CPEB4: variants seen among roughly 807,000 people sequenced by gnomAD.
CPEB4 encodes cytoplasmic polyadenylation element-binding protein 4.
Under a neutral mutation model 72.5 loss-of-function variants are expected in CPEB4, and 12 were observed. That is an observed-to-expected ratio of 0.17 (90% confidence interval 0.11 to 0.27). The LOEUF (loss-of-function observed/expected upper bound fraction) is 0.27, where lower values mean the gene tolerates loss of function less well. CPEB4 is among the 10% of genes least tolerant of loss of function. The pLI, the probability that CPEB4 is intolerant of heterozygous loss-of-function variation, is 1.00. For synonymous variants in CPEB4, 302 were observed against 326.3 expected, an observed-to-expected ratio of 0.93 and a Z score of 0.80; for missense variants, 614 against 908.5, an observed-to-expected ratio of 0.68 and a Z score of 4.17.
intron 3 of CPEB4, among the ~76,000 whole-genome samples, chr5:173,942,492 G>A (rs1466838860): frequency 6.6e-6 from 1 of 152,164 alleles, no homozygotes; most frequent in Non-Finnish European, 1.5e-5. Context: ...GACTTGATTA[G>A]GCATAGGGAA....
intron 3 of CPEB4, among the ~76,000 whole-genome samples, chr5:173,938,668 G>T (rs1757717504): frequency 6.6e-6 from 1 of 152,212 alleles, no homozygotes; most frequent in South Asian, 2.1e-4. Context: ...AGCGTAACCC[G>T]AATAGGATCC....
At position 173,910,622 on chromosome 5, in the gene CPEB4, C is replaced by A. The variant is rs781406258; in HGVS notation, c.1207+18C>A. 2 of 1,446,532 alleles carry A rather than the reference C, an allele frequency of 1.4e-6. No individual in the cohort carries two copies. Among genetic ancestry groups the A allele is most frequent in the Non-Finnish European group, 1.9e-6 (2 of 1,028,384 alleles). 89.6% of individuals were successfully genotyped at this position (1,446,532 alleles called of 1,614,324 possible). ...CATTAAAGGTAAGTTTAGAAATATA[C>A]CCAATTGATTTCAGACAATAGTTTT... On this transcript the variant is annotated intron_variant, in intron 2 of 9. Coordinates refer to ENST00000265085, the MANE Select transcript of CPEB4 (RefSeq NM_030627.4).
At chr5:173,935,295 T>C (rs1286814052) in intron 3 of CPEB4, among the ~76,000 whole-genome samples, 2 of 152,218 alleles carry the variant, frequency 1.3e-5, no homozygotes, top group African/African-American at 2.4e-5. Context: ...GTAGATAATC[T>C]AAAACTATGC....
chr5:173,956,230 C>T lies in CPEB4; in HGVS notation c.*93C>T, dbSNP rs1758373290. On this transcript the variant is annotated 3_prime_UTR_variant, in exon 10 of 10. Coordinates refer to ENST00000265085, the MANE Select transcript of CPEB4 (RefSeq NM_030627.4). ...CCTCAACCTCTTCACGCTGGCATGT[C>T]CTTTTGTAGCAGTCTGTAACTTAAC... 2.2e-6 allele frequency: 2 copies of T among 910,682 alleles called. No individual in the cohort carries two copies. The highest frequency in any genetic ancestry group is 3.5e-6 in the Non-Finnish European group (2 of 567,910). The allele number at this position is 910,682 out of a possible 1,614,324, so 56.4% of individuals were successfully genotyped here.
intron 5 of CPEB4, among the ~76,000 whole-genome samples, chr5:173,947,393 T>C (rs1758057645): frequency 6.6e-6 from 1 of 151,944 alleles, no homozygotes; most frequent in Admixed American, 6.6e-5. Context: ...TGTGTATGAA[T>C]GTATGTAGAG....
Position 173,890,570 on chromosome 5 carries a change from C to T in CPEB4, c.837C>T (p.Asn279=). The change falls in exon 1 of 10, where the codon AAC becomes AAT. Residue 279 remains asparagine (N), a synonymous_variant. Transcript: ENST00000265085. The stretch of plus-strand genomic sequence containing the variant: ...TGCCTCATTTGGCGAATAATCTTAA[C>T]AAACCCCCCTCTCCGTGGAGCAGCT... ...NQLPHLANNL[N]KPPSPWSSYQ... is the part of the protein sequence containing the mutation. The T allele has an allele frequency of 6.2e-7, 1 of 1,614,110 alleles. No individual in the cohort carries two copies. The highest frequency in any genetic ancestry group is 8.5e-7 in the Non-Finnish European group (1 of 1,180,018).
intron 3 of CPEB4, among the ~76,000 whole-genome samples, chr5:173,934,209 A>G (rs1285393119): frequency 6.6e-6 from 1 of 152,194 alleles, no homozygotes; most frequent in Non-Finnish European, 1.5e-5. Flanking sequence ...GTATACTATT[A>G]TGAGATTGCC....
intron 2 of CPEB4, chr5:173,910,890 T>A (rs974497261): frequency 2.1e-5 from 6 of 283,608 alleles, no homozygotes; most frequent in Middle Eastern, 2.0e-3. Flanking sequence ...TTATTTTTTT[T>A]ATATCTCAGG....
In CPEB4 at chr5:173,950,228, A is replaced by G; in HGVS notation, c.1665+150A>G. 1 of 534,830 alleles carries G rather than the reference A, an allele frequency of 1.9e-6. No homozygotes were observed. The allele number at this position is 534,830 out of a possible 1,614,324, so 33.1% of individuals were successfully genotyped here. ...GTAGTCTTGTTGTGAAGTTCTTAACATTGACATTCTGTGTATTTGCACATC... is the reference window on the plus strand; with the variant it reads ...GTAGTCTTGTTGTGAAGTTCTTAACGTTGACATTCTGTGTATTTGCACATC... On this transcript the variant is annotated intron_variant, in intron 7 of 9. Coordinates refer to ENST00000265085, the MANE Select transcript of CPEB4 (RefSeq NM_030627.4). The surrounding 1 kb of genome is among the most constrained non-coding windows in gnomAD (Gnocchi z 5.0).
intron 2 of CPEB4, among the ~76,000 whole-genome samples, chr5:173,914,380 A>G (rs1756785953): frequency 6.6e-6 from 1 of 152,216 alleles, no homozygotes; most frequent in South Asian, 2.1e-4. Flanking sequence ...TGAAATAGGT[A>G]TCTAACACCT....
intron 2 of CPEB4, among the ~76,000 whole-genome samples, chr5:173,915,968 G>A (rs992513397): frequency 1.3e-5 from 2 of 152,134 alleles, no homozygotes; most frequent in African/African-American, 4.8e-5. Flanking sequence ...GGAATAAAGA[G>A]ACAAAAATAG....
intron 1 of CPEB4, among the ~76,000 whole-genome samples, chr5:173,899,312 CA>C (rs1756138968): frequency 6.6e-6 from 1 of 152,114 alleles, no homozygotes; most frequent in Non-Finnish European, 1.5e-5. Flanking sequence ...TGCTTCATAT[CA>C]TATTATTTCA....
chr5:173,888,425 C>CGGT lies in CPEB4; in HGVS notation c.-1307_-1306insTGG. 1 of 458,956 alleles carries CGGT rather than the reference C, an allele frequency of 2.2e-6. No individual in the cohort carries two copies. The allele number at this position is 458,956 out of a possible 1,614,324, so 28.4% of individuals were successfully genotyped here. A position where few individuals can be genotyped will look rare whatever the true frequency, so the allele number is the denominator to read the frequency against. The stretch of plus-strand genomic sequence containing the variant: ...CACCGGGAGGCGGTGGCGGCGGCGG[C>CGGT]GGCGGCAGCAGCGGCGACAGCAGAG... On this transcript the variant is annotated 5_prime_UTR_variant, in exon 1 of 10. Coordinates refer to ENST00000265085, the MANE Select transcript of CPEB4 (RefSeq NM_030627.4). This position sits in a 1 kb window ranked among gnomAD's most constrained non-coding sequence, Gnocchi z 4.3.
At chr5:173,902,502 G>A (rs897754325) in intron 1 of CPEB4, among the ~76,000 whole-genome samples, 1 of 152,136 alleles carries the variant, frequency 6.6e-6, no homozygotes, top group African/African-American at 2.4e-5. Context: ...GGTGGTGGTG[G>A]TGGTGGGTAG....
chr5:173,901,409 G>A (rs917107714), intron 1 of CPEB4, among the ~76,000 whole-genome samples: 11 of 152,210 alleles, frequency 7.2e-5, no homozygotes, highest in African/African-American at 2.4e-4. Flanking sequence ...ACTGATTGAA[G>A]AGGGAACTTG....
At chr5:173,907,818 C>T (rs1342492308) in intron 1 of CPEB4, among the ~76,000 whole-genome samples, 1 of 152,206 alleles carries the variant, frequency 6.6e-6, no homozygotes, top group Non-Finnish European at 1.5e-5. Context: ...GCTCCTGCCA[C>T]CTCAGGCTCT....
intron 5 of CPEB4, among the ~76,000 whole-genome samples, chr5:173,948,873 T>C (rs189490357): frequency 6.6e-6 from 1 of 152,246 alleles, no homozygotes; most frequent in Non-Finnish European, 1.5e-5. Context: ...TTGAAAGGAT[T>C]CTACCCCCAT....
At chr5:173,897,998 C>T (rs1412449622) in intron 1 of CPEB4, among the ~76,000 whole-genome samples, 2 of 152,150 alleles carry the variant, frequency 1.3e-5, no homozygotes, top group Non-Finnish European at 2.9e-5. Flanking sequence ...TATAGGTGCT[C>T]ATTCATGTTT....
intron 2 of CPEB4, among the ~76,000 whole-genome samples, chr5:173,921,716 G>A (rs892721268): frequency 1.3e-5 from 2 of 152,188 alleles, no homozygotes; most frequent in African/African-American, 4.8e-5. Flanking sequence ...TGGTTTGGAA[G>A]TGTCTTATAT....
Sources: allele counts gnomAD v4.1 joint callset (sites outside exome capture counted in the v4.1 genomes callset), GRCh38; gene constraint gnomAD v4.1.1; non-coding constraint Gnocchi (gnomAD v3.1); transcripts MANE v1.5; gene names NCBI Gene and HGNC (gene_info 2026-07-23, HGNC 2026-07-21).